Variants in TAOK1 observed in about 807,000 individuals in gnomAD.
TAOK1 encodes serine/threonine-protein kinase TAO1.
A neutral mutation model predicts 138.3 loss-of-function variants in TAOK1; 21 were observed. The observed-to-expected ratio is 0.15, with a 90% CI of 0.11 to 0.22. The LOEUF (loss-of-function observed/expected upper bound fraction) is 0.22. TAOK1 is among the 10% of genes least tolerant of loss of function. TAOK1 has a pLI of 1.00. For synonymous variants in TAOK1, 361 were observed against 398.4 expected, an observed-to-expected ratio of 0.91 and a Z score of 1.12; for missense variants, 651 against 1,227.7, an observed-to-expected ratio of 0.53 and a Z score of 7.02.
chr17:29,465,416 C>T (rs542468041), intron 2 of TAOK1, among the ~76,000 whole-genome samples: 12 of 152,094 alleles, frequency 7.9e-5, no homozygotes, highest in African/African-American at 2.7e-4. Context: ...TCCCAGAGTG[C>T]TGGGATTACA....
intron 1 of TAOK1, among the ~76,000 whole-genome samples, chr17:29,410,781 G>A (rs1177908534): frequency 6.7e-6 from 1 of 149,266 alleles, no homozygotes; most frequent in East Asian, 2.0e-4. Flanking sequence ...AATTACAGGC[G>A]CCCACCACCA....
chr17:29,462,415 T>C (rs988121673), intron 2 of TAOK1, among the ~76,000 whole-genome samples: 1 of 152,110 alleles, frequency 6.6e-6, no homozygotes, highest in Non-Finnish European at 1.5e-5. Context: ...ATAAGAAATA[T>C]AATATAAAAG....
At chr17:29,528,143 G>T (rs1479153572) in intron 17 of TAOK1, among the ~76,000 whole-genome samples, 1 of 152,110 alleles carries the variant, frequency 6.6e-6, no homozygotes, top group African/African-American at 2.4e-5. Context: ...TCCACCTCCC[G>T]GGTTCAAGCA....
At chr17:29,448,796 A>G (rs189890672) in intron 1 of TAOK1, among the ~76,000 whole-genome samples, 9 of 152,114 alleles carry the variant, frequency 5.9e-5, no homozygotes, top group Admixed American at 3.9e-4. Context: ...AGCAATATTT[A>G]TATAATAACT....
At chr17:29,404,138 ATTTTGTTTTG>A (rs750995169) in intron 1 of TAOK1, 5 of 147,596 alleles carry the variant, frequency 3.4e-5, no homozygotes, top group African/African-American at 7.6e-5. Flanking sequence ...GTGGGGGGGG[ATTTTGTTTTG>A]TTTTGTTTTG....
Position 29,451,446 on chromosome 17 carries a change from T to G in TAOK1, c.-94-9T>G. On this transcript the variant is annotated splice_polypyrimidine_tract_variant and intron_variant, in intron 1 of 19. Coordinates refer to ENST00000261716, the MANE Select transcript of TAOK1 (RefSeq NM_020791.4). ...CCTTTTCTGACTTTTTTTTTCTATTTTTCTACAGTAGTTTATGCCAACGTG... is the reference window on the plus strand; with the variant it reads ...CCTTTTCTGACTTTTTTTTTCTATTGTTCTACAGTAGTTTATGCCAACGTG... The G allele has an allele frequency of 7.2e-7, 1 of 1,384,458 alleles. No homozygotes were observed. Among genetic ancestry groups the G allele is most frequent in the Non-Finnish European group, 9.5e-7 (1 of 1,054,354 alleles). The allele number at this position is 1,384,458 out of a possible 1,614,324, so 85.8% of individuals were successfully genotyped here. A position where few individuals can be genotyped will look rare whatever the true frequency, so the allele number is the denominator to read the frequency against.
intron 18 of TAOK1, among the ~76,000 whole-genome samples, chr17:29,532,981 A>T (rs1171601750): frequency 3.1e-5 from 1 of 32,202 alleles, no homozygotes; most frequent in South Asian, 1.3e-3. Context: ...GTGGCCGGGC[A>T]GGGGGCTGAC....
chr17:29,541,906 G>T (rs902176483), intron 19 of TAOK1, among the ~76,000 whole-genome samples: 1 of 150,570 alleles, frequency 6.6e-6, no homozygotes, highest in African/African-American at 2.4e-5. Flanking sequence ...ACGGAGTCTC[G>T]CTCTGTCGCC....
chr17:29,507,148 A>C (rs2031643052), intron 13 of TAOK1, among the ~76,000 whole-genome samples: 1 of 152,162 alleles, frequency 6.6e-6, no homozygotes, highest in African/African-American at 2.4e-5. Flanking sequence ...ATGCTTTATA[A>C]CTAGATAAAG....
At chr17:29,475,110 T>G (rs2030916981) in intron 3 of TAOK1, among the ~76,000 whole-genome samples, 1 of 152,010 alleles carries the variant, frequency 6.6e-6, no homozygotes, top group Non-Finnish European at 1.5e-5. Context: ...CCAGCTAATT[T>G]TTGTATTTTT....
At chr17:29,446,978 G>GATCC (rs984012293) in intron 1 of TAOK1, among the ~76,000 whole-genome samples, 3 of 150,830 alleles carry the variant, frequency 2.0e-5, no homozygotes, top group Non-Finnish European at 4.4e-5. Context: ...GACTAGGGAT[G>GATCC]ATCCACCTGC....
intron 1 of TAOK1, among the ~76,000 whole-genome samples, chr17:29,426,555 T>C (rs1905648300): frequency 6.6e-6 from 1 of 152,194 alleles, no homozygotes; most frequent in Non-Finnish European, 1.5e-5. Flanking sequence ...TGTGTGGCTC[T>C]AAGCCAGGGG....
At chr17:29,471,444 A>G (rs145877985) in intron 3 of TAOK1, among the ~76,000 whole-genome samples, 143 of 150,918 alleles carry the variant, frequency 9.5e-4, no homozygotes, top group African/African-American at 3.3e-3. Flanking sequence ...CGCCTGGCTA[A>G]TTTTTTGTAT....
intron 3 of TAOK1, among the ~76,000 whole-genome samples, chr17:29,468,519 G>T (rs1209460649): frequency 6.6e-6 from 1 of 151,426 alleles, no homozygotes; most frequent in African/African-American, 2.4e-5. Context: ...AGTAAAATAA[G>T]ATGTACTTGA....
At chr17:29,397,557 C>G (rs1448651603) in intron 1 of TAOK1, among the ~76,000 whole-genome samples, 1 of 143,348 alleles carries the variant, frequency 7.0e-6, no homozygotes, top group South Asian at 2.2e-4. Flanking sequence ...GAGCCGAGAT[C>G]GTGCCATTGC....
intron 1 of TAOK1, among the ~76,000 whole-genome samples, chr17:29,423,802 C>T (rs1016894752): frequency 5.3e-5 from 8 of 151,842 alleles, no homozygotes; most frequent in Non-Finnish European, 1.0e-4. Context: ...AATCCCAGCA[C>T]TTTGGGGGGC....
chr17:29,464,842 T>G (rs1214224978), intron 2 of TAOK1, among the ~76,000 whole-genome samples: 1 of 148,002 alleles, frequency 6.8e-6, no homozygotes, highest in African/African-American at 2.6e-5. Context: ...TTTTTTTTTT[T>G]GATACAGGGT....
chr17:29,453,317 G>A (rs113989197), intron 2 of TAOK1, among the ~76,000 whole-genome samples: 5,538 of 151,332 alleles, frequency 0.037, 307 homozygotes, highest in African/African-American at 0.13. Context: ...CCACCACCAC[G>A]CCCGGCTAAT....
At chr17:29,434,069 G>T (rs900731829) in intron 1 of TAOK1, among the ~76,000 whole-genome samples, 5 of 152,100 alleles carry the variant, frequency 3.3e-5, no homozygotes, top group Admixed American at 6.6e-5. Context: ...AACAAGGGGC[G>T]GGGTAAGGAG....
Sources: allele counts gnomAD v4.1 joint callset (sites outside exome capture counted in the v4.1 genomes callset), GRCh38; gene constraint gnomAD v4.1.1; transcripts MANE v1.5; gene names NCBI Gene and HGNC (gene_info 2026-07-23, HGNC 2026-07-21).